The following PTPRZ1 variants were observed in gnomAD, a reference collection of about 807,000 sequenced individuals.
PTPRZ1 encodes protein tyrosine phosphatase receptor type Z1.
PTPRZ1 carries 82 observed loss-of-function variants against 214.1 expected under a neutral mutation model. The observed-to-expected ratio is 0.38, with a 90% CI of 0.32 to 0.46. The LOEUF is 0.46. Ranked by LOEUF, PTPRZ1 falls within the 20% of genes least tolerant of loss-of-function variation. The pLI is 1.00. For missense variants in PTPRZ1, 2,603 were observed against 2,748.7 expected (o/e 0.95, Z 1.19); for synonymous variants, 945 against 987.9 (o/e 0.96, Z 0.81).
chr7:122,044,712 G>T (rs1448761952), intron 23 of PTPRZ1, 144 bp downstream of exon 23: 3 of 806,002 alleles, frequency 3.7e-6, no homozygotes, highest in Non-Finnish European at 5.7e-6. Flanking sequence ...CTTACTGTGG[G>T]CTACAGTGCC....
At chr7:121,943,900 G>A (rs943478622) in intron 2 of PTPRZ1, among the ~76,000 whole-genome samples, 1 of 152,168 alleles carries the variant, frequency 6.6e-6, no homozygotes, top group Admixed American at 6.5e-5. Context: ...ATGAATGATG[G>A]AGTGAAGAAG....
At chr7:121,931,256 G>A (rs978707988) in intron 2 of PTPRZ1, among the ~76,000 whole-genome samples, 4 of 152,012 alleles carry the variant, frequency 2.6e-5, no homozygotes, top group South Asian at 2.1e-4. Context: ...CTTTAAAAAC[G>A]TGATACATAG....
chr7:121,999,190 A>G (rs1334704726), intron 10 of PTPRZ1, among the ~76,000 whole-genome samples: 3 of 152,222 alleles, frequency 2.0e-5, no homozygotes, highest in African/African-American at 7.2e-5. Context: ...CATGATGGCA[A>G]TATCATTATT....
At chr7:121,969,405 TA>T (rs1797149675) in intron 3 of PTPRZ1, among the ~76,000 whole-genome samples, 1 of 151,520 alleles carries the variant, frequency 6.6e-6, no homozygotes, top group Non-Finnish European at 1.5e-5. Context: ...CTACTAAAAA[TA>T]AAAAAATTAG....
At chr7:122,017,814 C>T (rs1029253728) in intron 12 of PTPRZ1, among the ~76,000 whole-genome samples, 3 of 151,786 alleles carry the variant, frequency 2.0e-5, no homozygotes, top group African/African-American at 7.3e-5. Flanking sequence ...TCAAGTGATC[C>T]GCCTGCCTCA....
At chr7:121,942,170 C>A (rs1412712969) in intron 2 of PTPRZ1, among the ~76,000 whole-genome samples, 1 of 152,168 alleles carries the variant, frequency 6.6e-6, no homozygotes, top group Non-Finnish European at 1.5e-5. Flanking sequence ...AACCCAGAAC[C>A]TGAATATGCC....
At chr7:122,059,621 A>T in intron 28 of PTPRZ1, 132 bp from the exon 29 acceptor site, 4 of 1,013,224 alleles carry the variant, frequency 3.9e-6, no homozygotes, top group Non-Finnish European at 5.6e-6. Context: ...GCAAAAAGCG[A>T]AGAGAGACAA....
chr7:121,873,924 A>T (rs1793968110), intron 1 of PTPRZ1, among the ~76,000 whole-genome samples: 1 of 152,178 alleles, frequency 6.6e-6, no homozygotes, highest in South Asian at 2.1e-4. Context: ...ATAAATGACC[A>T]GAAATACAGC....
At chr7:121,993,151 C>T (rs1021534082) in intron 8 of PTPRZ1, among the ~76,000 whole-genome samples, 1 of 152,162 alleles carries the variant, frequency 6.6e-6, no homozygotes, top group African/African-American at 2.4e-5. Flanking sequence ...TACTATTTTA[C>T]TTTATAGTAG....
intron 13 of PTPRZ1, among the ~76,000 whole-genome samples, chr7:122,019,812 G>A (rs189052923): frequency 8.3e-4 from 127 of 152,116 alleles, no homozygotes; most frequent in Non-Finnish European, 1.7e-3. Context: ...ATTTGCTTTG[G>A]GGATGAAATA....
chr7:122,032,263 G>C (rs1799402037), intron 15 of PTPRZ1, among the ~76,000 whole-genome samples: 1 of 152,180 alleles, frequency 6.6e-6, no homozygotes, highest in African/African-American at 2.4e-5. Context: ...TTACATGTCA[G>C]TGGACTACAT....
At chr7:122,006,930 A>G (rs549992662) in intron 11 of PTPRZ1, among the ~76,000 whole-genome samples, 3 of 152,194 alleles carry the variant, frequency 2.0e-5, no homozygotes, top group African/African-American at 7.2e-5. Flanking sequence ...CAAGAGGGCA[A>G]GGAGAAGGTG....
At chr7:121,903,546 T>C (rs1450698553) in intron 1 of PTPRZ1, among the ~76,000 whole-genome samples, 1 of 152,202 alleles carries the variant, frequency 6.6e-6, no homozygotes, top group Non-Finnish European at 1.5e-5. Flanking sequence ...TTAAGGCACA[T>C]CAAATCAATG....
intron 1 of PTPRZ1, among the ~76,000 whole-genome samples, chr7:121,910,275 A>G (rs887691691): frequency 2.0e-5 from 3 of 152,206 alleles, no homozygotes; most frequent in Non-Finnish European, 4.4e-5. Flanking sequence ...TTGACCACTC[A>G]GTCTAAAATT....
At position 122,042,669 on chromosome 7, in the gene PTPRZ1, C is replaced by T. The variant is rs754295804; in HGVS notation, c.5863C>T (p.His1955Tyr). Residue 1955 changes from histidine (H) to tyrosine (Y), a missense_variant, in exon 22 of 30, where the codon CAC becomes TAC. Around this residue, in one of 6 missense-constraint regions of PTPRZ1, gnomAD observed 1,913 missense variants for 1,914.3 expected, o/e 1.00. Transcript: ENST00000393386. Reference sequence around the variant, plus strand: ...AGACAGTATGTTGCAGCAGATTCAACACGAAGGAACTGTCAACATATTTGG... The same window carrying T: ...AGACAGTATGTTGCAGCAGATTCAATACGAAGGAACTGTCAACATATTTGG... Reference protein sequence around the residue: ...VLDSMLQQIQHEGTVNIFGFL... With the variant: ...VLDSMLQQIQYEGTVNIFGFL... 13 of 1,613,728 alleles carry T rather than the reference C, an allele frequency of 8.1e-6. No individual in the cohort carries two copies. In the East Asian group the frequency reaches 2.7e-4, roughly 33 times the overall value.
chr7:121,912,321 G>A (rs1039888035), intron 1 of PTPRZ1, among the ~76,000 whole-genome samples: 1 of 152,178 alleles, frequency 6.6e-6, no homozygotes, highest in Non-Finnish European at 1.5e-5. Context: ...TTATGAAGTT[G>A]ATAACGTGTT....
intron 21 of PTPRZ1, 47 bp from the exon 22 acceptor site, chr7:122,042,561 A>G (rs200608322): frequency 1.5e-4 from 223 of 1,530,148 alleles, no homozygotes; most frequent in Non-Finnish European, 1.4e-4. Flanking sequence ...TTTCAAATTT[A>G]TTTTATGCTT....
chr7:122,056,914 A>G (rs1486116680), intron 27 of PTPRZ1, among the ~76,000 whole-genome samples: 2 of 151,946 alleles, frequency 1.3e-5, no homozygotes, highest in African/African-American at 4.8e-5. Flanking sequence ...TATATAAATT[A>G]TGTGTATTAT....
At chr7:121,941,657 A>T (rs1360276861) in intron 2 of PTPRZ1, among the ~76,000 whole-genome samples, 1 of 152,196 alleles carries the variant, frequency 6.6e-6, no homozygotes, top group Non-Finnish European at 1.5e-5. Context: ...TTCCAGGATT[A>T]TTAAGAGATT....
Sources: allele counts gnomAD v4.1 joint callset (sites outside exome capture counted in the v4.1 genomes callset), GRCh38; gene constraint gnomAD v4.1.1; regional missense constraint gnomAD v4.1.1; transcripts MANE v1.5; gene names NCBI Gene and HGNC (gene_info 2026-07-23, HGNC 2026-07-21).